Variants in ADARB1 observed in about 807,000 individuals in gnomAD.
The protein encoded by ADARB1 is double-stranded RNA-specific editase 1.
Under a neutral mutation model 52.4 loss-of-function variants are expected in ADARB1, and 10 were observed. The observed-to-expected ratio is 0.19, with a 90% CI of 0.12 to 0.32. ADARB1 has a LOEUF of 0.32. Ranked by LOEUF, ADARB1 falls within the 10% of genes least tolerant of loss-of-function variation. ADARB1 has a pLI of 1.00. For missense variants in ADARB1, 643 were observed against 922.3 expected (o/e 0.70, Z 3.92); for synonymous variants, 349 against 371.1 (o/e 0.94, Z 0.68).
intron 8 of ADARB1, among the ~76,000 whole-genome samples, chr21:45,190,437 G>A (rs2092250577): frequency 1.3e-5 from 2 of 152,136 alleles, no homozygotes; most frequent in Admixed American, 6.5e-5. Flanking sequence ...GCTGATAGAT[G>A]TGCATTTCTT....
intron 1 of ADARB1, among the ~76,000 whole-genome samples, chr21:45,089,541 C>T (rs544663682): frequency 6.6e-6 from 1 of 151,956 alleles, no homozygotes; most frequent in Admixed American, 6.6e-5. Context: ...CCTAAGAATA[C>T]TTTCCCTACT....
rs148446567 is a variant in ADARB1 at position 45,137,486 on chromosome 21, G to A, written c.-48+8913G>A. On this transcript the variant is annotated intron_variant, in intron 2 of 10. Coordinates refer to ENST00000348831, the MANE Select transcript of ADARB1 (RefSeq NM_001112.4). The stretch of plus-strand genomic sequence containing the variant: ...TCTGAGGGTACGTGGGTGGCCCTTC[G>A]GGTGTGCCAGGAGCTTTGTGCTTTA... 6.0e-3 allele frequency among the ~76,000 whole-genome samples: 913 copies of A among 152,298 alleles called. 7 individuals carry two copies. Among genetic ancestry groups the A allele is most frequent in the African/African-American group, 0.021 (860 of 41,554 alleles).
At position 45,223,478 on chromosome 21, in the gene ADARB1, C is replaced by T. The variant is rs948909407; in HGVS notation, c.*1281C>T. ...CTCCACCAAGCTCAGAGATTTGCAC[C>T]AGGTGCCTTGTTGCCTCCGCTCAGG... On this transcript the variant is annotated 3_prime_UTR_variant, in exon 11 of 11. Coordinates refer to ENST00000348831, the MANE Select transcript of ADARB1 (RefSeq NM_001112.4). The T allele has an allele frequency of 1.9e-5, 19 of 985,552 alleles. No homozygotes were observed. The African/African-American group carries it at 3.3e-4, about 17-fold the overall frequency. 61.1% of individuals were successfully genotyped at this position (985,552 alleles called of 1,614,324 possible).
intron 8 of ADARB1, among the ~76,000 whole-genome samples, chr21:45,186,479 A>G (rs2092111732): frequency 6.6e-6 from 1 of 152,238 alleles, no homozygotes; most frequent in Admixed American, 6.5e-5. Flanking sequence ...TCACAGAATA[A>G]TATCAGATTG....
At chr21:45,074,876 C>G (rs2085850114) in intron 1 of ADARB1, 83 bp downstream of exon 1, 1 of 149,766 alleles carries the variant, frequency 6.7e-6, no homozygotes, top group Non-Finnish European at 1.5e-5. Flanking sequence ...AAGCGCCGGG[C>G]AGGGACTGGT....
At chr21:45,139,745 G>A (rs376046583) in intron 2 of ADARB1, among the ~76,000 whole-genome samples, 1 of 152,194 alleles carries the variant, frequency 6.6e-6, no homozygotes, top group Admixed American at 6.5e-5. Context: ...TTATGCTATC[G>A]CCAGCCTTTT....
chr21:45,085,223 C>T (rs1050102598), intron 1 of ADARB1, among the ~76,000 whole-genome samples: 1 of 152,146 alleles, frequency 6.6e-6, no homozygotes, highest in South Asian at 2.1e-4. Flanking sequence ...GCCGAGTGCA[C>T]CCTGGCTGTG....
intron 1 of ADARB1, among the ~76,000 whole-genome samples, chr21:45,111,141 G>A (rs892870055): frequency 6.6e-6 from 1 of 152,184 alleles, no homozygotes; most frequent in Admixed American, 6.5e-5. Context: ...ACCCAGGCCA[G>A]CACACGGAGC....
Position 45,162,565 on chromosome 21 carries a change from C to T in ADARB1, c.-47-9045C>T, listed in dbSNP as rs562256634. 2.0e-5 allele frequency among the ~76,000 whole-genome samples: 3 copies of T among 152,258 alleles called. No homozygotes were observed. The South Asian group carries it at 6.2e-4, about 32-fold the overall frequency. On this transcript the variant is annotated intron_variant, in intron 2 of 10. Coordinates refer to ENST00000348831, the MANE Select transcript of ADARB1 (RefSeq NM_001112.4). ...GAGGTTTCTGGCCAGAAAAATGATA[C>T]CCTGAGGATCCTATGACACTGGGTT... is the stretch of plus-strand genomic sequence containing the variant.
At chr21:45,137,625 C>T (rs2089466984) in intron 2 of ADARB1, among the ~76,000 whole-genome samples, 1 of 152,214 alleles carries the variant, frequency 6.6e-6, no homozygotes, top group Non-Finnish European at 1.5e-5. Flanking sequence ...TGGAGCTTGG[C>T]CTCTGCCTTG....
chr21:45,156,225 ACCCATCATCAC>A (rs2090604334), intron 2 of ADARB1, among the ~76,000 whole-genome samples: 1 of 145,214 alleles, frequency 6.9e-6, no homozygotes, highest in Admixed American at 6.8e-5. Flanking sequence ...CCACCCACCC[ACCCATCATCAC>A]CCATCACCCA....
intron 3 of ADARB1, among the ~76,000 whole-genome samples, chr21:45,173,897 TA>T (rs1012910211): frequency 6.6e-6 from 1 of 152,088 alleles, no homozygotes; most frequent in Non-Finnish European, 1.5e-5. Context: ...GAGAAAGTTT[TA>T]AATCTCTTAG....
intron 8 of ADARB1, 37 bp downstream of exon 8, chr21:45,185,128 A>G (rs775608007): frequency 1.2e-6 from 2 of 1,605,222 alleles, no homozygotes; most frequent in East Asian, 2.2e-5. Context: ...ACCTCCCTGC[A>G]CACAGGATTC....
At position 45,221,714 on chromosome 21, in the gene ADARB1, T is replaced by TA. The variant is rs898404867; in HGVS notation, c.1927-303dup. Among the ~76,000 whole-genome samples the TA allele has an allele frequency of 2.6e-5, 4 of 152,142 alleles. No homozygotes were observed. Among genetic ancestry groups the TA allele is most frequent in the Non-Finnish European group, 4.4e-5 (3 of 68,012 alleles). ...CACACATAACATCCGTGGTGCTTCT[T>TA]AGAGTTAAAAATGAAACGTGAATCC... On this transcript the variant is annotated intron_variant, in intron 10 of 10. Coordinates refer to ENST00000348831, the MANE Select transcript of ADARB1 (RefSeq NM_001112.4). This position sits in a 1 kb window ranked among gnomAD's most constrained non-coding sequence, Gnocchi z 4.9.
intron 2 of ADARB1, among the ~76,000 whole-genome samples, chr21:45,165,622 G>A (rs182820333): frequency 1.4e-4 from 21 of 152,306 alleles, no homozygotes; most frequent in African/African-American, 4.8e-4. Flanking sequence ...ATGAGGTGAA[G>A]TGTATCTCTA....
At chr21:45,094,794 T>C (rs1434965267) in intron 1 of ADARB1, among the ~76,000 whole-genome samples, 2 of 151,996 alleles carry the variant, frequency 1.3e-5, no homozygotes, top group Non-Finnish European at 2.9e-5. Context: ...GTGATGCAGA[T>C]GTCTGTATAT....
At position 45,172,558 on chromosome 21, in the gene ADARB1, C is replaced by T. The variant is rs2091527706; in HGVS notation, c.28+874C>T. ...AGTCACTCTTGCGTACCATGTAGAA[C>T]CCAAACCATGACCCAGTGAAGCATT... is the stretch of plus-strand genomic sequence containing the variant. On this transcript the variant is annotated intron_variant, in intron 3 of 10. Coordinates refer to ENST00000348831, the MANE Select transcript of ADARB1 (RefSeq NM_001112.4). This position sits in a 1 kb window ranked among gnomAD's most constrained non-coding sequence, Gnocchi z 4.4. 6.6e-6 allele frequency among the ~76,000 whole-genome samples: 1 copy of T among 152,166 alleles called. No individual in the cohort carries two copies. The highest frequency in any genetic ancestry group is 2.4e-5 in the African/African-American group (1 of 41,426).
rs547164307 is a variant in ADARB1 at position 45,224,920 on chromosome 21, G to C, written c.*2723G>C. On this transcript the variant is annotated 3_prime_UTR_variant, in exon 11 of 11. Coordinates refer to ENST00000348831, the MANE Select transcript of ADARB1 (RefSeq NM_001112.4). ...CGGTGTGCACTTTTAGACTATAGCT[G>C]TTTCATTGACGTGTCACTCTCCATC... 175 of 984,616 alleles carry C rather than the reference G, an allele frequency of 1.8e-4. 1 individual carries two copies. Among genetic ancestry groups the C allele is most frequent in the South Asian group, 1.6e-3 (34 of 21,282 alleles). The allele number at this position is 984,616 out of a possible 1,614,324, so 61.0% of individuals were successfully genotyped here.
chr21:45,187,461 T>A (rs921879668), intron 8 of ADARB1, among the ~76,000 whole-genome samples: 1 of 152,216 alleles, frequency 6.6e-6, no homozygotes, highest in African/African-American at 2.4e-5. Flanking sequence ...CAAACAGATA[T>A]AATTTTACTT....
Sources: allele counts gnomAD v4.1 joint callset (sites outside exome capture counted in the v4.1 genomes callset), GRCh38; gene constraint gnomAD v4.1.1; non-coding constraint Gnocchi (gnomAD v3.1); transcripts MANE v1.5; gene names NCBI Gene and HGNC (gene_info 2026-07-23, HGNC 2026-07-21).